The following DLG1 variants were observed in gnomAD, a reference collection of about 807,000 sequenced individuals.
DLG1 encodes the protein disks large homolog 1.
A neutral mutation model predicts 123.4 loss-of-function variants in DLG1; 42 were observed. That is an observed-to-expected ratio of 0.34 (90% CI 0.27 to 0.44). The LOEUF is 0.44. DLG1 is among the 20% of genes least tolerant of loss of function. The pLI is 1.00. For missense variants in DLG1, 942 were observed against 1,082.6 expected, an observed-to-expected ratio of 0.87 and a Z score of 1.82; for synonymous variants, 317 against 356.2, an observed-to-expected ratio of 0.89 and a Z score of 1.24.
intron 4 of DLG1, among the ~76,000 whole-genome samples, chr3:197,267,279 G>A (rs1469562921): frequency 6.6e-6 from 1 of 152,156 alleles, no homozygotes; most frequent in Non-Finnish European, 1.5e-5. Context: ...TTCAAAAGCA[G>A]AGTAGAGAGT....
At chr3:197,297,420 G>A in intron 1 of DLG1, 185 bp from the exon 2 acceptor site, 1 of 1,415,994 alleles carries the variant, frequency 7.1e-7, no homozygotes, top group East Asian at 2.6e-5. Context: ...CCTTGGAGTG[G>A]GTACCCCTCC....
chr3:197,049,184 G>A (rs1725511983), intron 24 of DLG1, among the ~76,000 whole-genome samples: 1 of 152,026 alleles, frequency 6.6e-6, no homozygotes, highest in African/African-American at 2.4e-5. Flanking sequence ...GGGTGTGGTG[G>A]CATGTGCCTC....
chr3:197,237,554 C>G (rs1168909975), intron 4 of DLG1, among the ~76,000 whole-genome samples: 2 of 152,210 alleles, frequency 1.3e-5, no homozygotes, highest in African/African-American at 4.8e-5. Context: ...CCAGCAAAGA[C>G]CAGCAGGTAG....
chr3:197,045,999 C>T (rs774588051), intron 24 of DLG1, among the ~76,000 whole-genome samples: 14 of 152,164 alleles, frequency 9.2e-5, no homozygotes, highest in East Asian at 3.8e-4. Context: ...TAGCTAGGAA[C>T]GCCTGAATAA....
intron 11 of DLG1, among the ~76,000 whole-genome samples, chr3:197,119,884 C>A (rs1775347951): frequency 6.6e-6 from 1 of 151,356 alleles, no homozygotes; most frequent in African/African-American, 2.4e-5. Context: ...TAGCTCAGAT[C>A]TGTCAACCTA....
intron 13 of DLG1, among the ~76,000 whole-genome samples, chr3:197,114,548 C>T (rs193035781): frequency 2.6e-5 from 4 of 152,150 alleles, no homozygotes; most frequent in Non-Finnish European, 4.4e-5. Context: ...AGAATATTTA[C>T]GATTAAGGAA....
intron 5 of DLG1, among the ~76,000 whole-genome samples, chr3:197,179,796 A>T (rs1174901627): frequency 6.6e-6 from 1 of 152,142 alleles, no homozygotes; most frequent in Non-Finnish European, 1.5e-5. Flanking sequence ...TATAACTCAG[A>T]AGGCATCTGT....
chr3:197,172,469 G>C (rs891836507), intron 5 of DLG1, among the ~76,000 whole-genome samples: 1 of 152,048 alleles, frequency 6.6e-6, no homozygotes, highest in Non-Finnish European at 1.5e-5. Context: ...TCTACTTAGA[G>C]CAGATTTCTG....
intron 15 of DLG1, 87 bp from the exon 16 acceptor site, chr3:197,085,843 G>A (rs1175740761): frequency 1.6e-6 from 2 of 1,279,418 alleles, no homozygotes; most frequent in Non-Finnish European, 2.2e-6. Context: ...TGTAATTTGG[G>A]TAATTAAATA....
At chr3:197,088,126 C>T (rs1004497122) in intron 15 of DLG1, among the ~76,000 whole-genome samples, 2 of 152,052 alleles carry the variant, frequency 1.3e-5, no homozygotes, top group African/African-American at 4.8e-5. Flanking sequence ...TTTATCCCCC[C>T]CTTTACCCCA....
intron 23 of DLG1, among the ~76,000 whole-genome samples, chr3:197,056,875 T>C (rs1008514253): frequency 2.0e-5 from 3 of 152,208 alleles, no homozygotes; most frequent in African/African-American, 7.2e-5. Flanking sequence ...ATTATTAAAT[T>C]TGGAGTCACA....
intron 15 of DLG1, among the ~76,000 whole-genome samples, chr3:197,089,854 G>GA (rs149779646): frequency 5.0e-4 from 75 of 151,180 alleles, no homozygotes; most frequent in African/African-American, 1.8e-3. Flanking sequence ...TTGGCGAAGG[G>GA]AAAAAAAAAT....
intron 16 of DLG1, chr3:197,085,325 G>C (rs1753691505): frequency 2.3e-6 from 1 of 435,762 alleles, no homozygotes; most frequent in Non-Finnish European, 4.2e-6. Flanking sequence ...CACTCATCTT[G>C]TGTCACGGAA....
At chr3:197,163,181 T>C (rs934626728) in intron 5 of DLG1, among the ~76,000 whole-genome samples, 3 of 152,164 alleles carry the variant, frequency 2.0e-5, no homozygotes, top group South Asian at 2.1e-4. Flanking sequence ...AAGTGTCTAA[T>C]TAAAACAAAA....
At chr3:197,268,185 A>G (rs1204315831) in intron 4 of DLG1, among the ~76,000 whole-genome samples, 1 of 152,256 alleles carries the variant, frequency 6.6e-6, no homozygotes, top group African/African-American at 2.4e-5. Flanking sequence ...ATACAGATAT[A>G]GAGCAATCAA....
At chr3:197,080,915 A>G in intron 17 of DLG1, 136 bp downstream of exon 17, 1 of 661,252 alleles carries the variant, frequency 1.5e-6, no homozygotes, top group Non-Finnish European at 2.4e-6. Flanking sequence ...TGAATTTAAC[A>G]AATGCTTAAG....
At chr3:197,224,797 G>C (rs1738924153) in intron 4 of DLG1, among the ~76,000 whole-genome samples, 1 of 152,126 alleles carries the variant, frequency 6.6e-6, no homozygotes, top group South Asian at 2.1e-4. Context: ...CTAGCAATTT[G>C]AGACCTCTTC....
chr3:197,281,354 A>C (rs554967705), intron 4 of DLG1, among the ~76,000 whole-genome samples: 2 of 152,260 alleles, frequency 1.3e-5, no homozygotes, highest in East Asian at 3.9e-4. Context: ...AGGCTCTTTT[A>C]TAAGGGCCTT....
At chr3:197,298,904 G>A (rs1778667133), upstream of DLG1, 1 of 259,732 alleles carries the variant, frequency 3.9e-6, no homozygotes, top group South Asian at 1.7e-4. Context: ...TTCCGAGTAT[G>A]GTATACTTAA....
Sources: allele counts gnomAD v4.1 joint callset (sites outside exome capture counted in the v4.1 genomes callset), GRCh38; gene constraint gnomAD v4.1.1; transcripts MANE v1.5; gene names NCBI Gene and HGNC (gene_info 2026-07-23, HGNC 2026-07-21).